The following CIT variants were observed in gnomAD, a reference collection of about 807,000 sequenced individuals.
The protein encoded by CIT is citron Rho-interacting kinase.
CIT carries 79 observed loss-of-function variants against 272.7 expected under a neutral mutation model. The ratio of observed to expected loss-of-function variants is 0.29; its 90% CI spans 0.24 to 0.35. CIT has a LOEUF of 0.35. CIT is among the 10% of genes least tolerant of loss of function. The pLI, the probability that CIT is intolerant of heterozygous loss-of-function variation, is 1.00. For missense variants in CIT, 1,909 were observed against 2,618.3 expected (o/e 0.73, Z 5.91); for synonymous variants, 948 against 995.6 (o/e 0.95, Z 0.90).
intron 9 of CIT, among the ~76,000 whole-genome samples, chr12:119,818,269 C>A (rs920161824): frequency 6.6e-6 from 1 of 151,998 alleles, no homozygotes; most frequent in Non-Finnish European, 1.5e-5. Context: ...AGAATAGGTA[C>A]TCCCTAAACA....
intron 10 of CIT, among the ~76,000 whole-genome samples, chr12:119,796,146 G>A (rs867533096): frequency 4.1e-4 from 63 of 152,328 alleles, no homozygotes; most frequent in African/African-American, 1.4e-3. Flanking sequence ...TGGGGTCTTG[G>A]CATACCAAGA....
chr12:119,720,453 CCACTTTTCAAA>C lies in CIT; in HGVS notation c.3840+14_3840+24del, dbSNP rs1957766718. The C allele has an allele frequency of 6.5e-7, 1 of 1,528,116 alleles. No individual in the cohort carries two copies. Among genetic ancestry groups the C allele is most frequent in the Admixed American group, 1.7e-5 (1 of 57,414 alleles). 94.7% of individuals were successfully genotyped at this position (1,528,116 alleles called of 1,614,324 possible). ...GAATGATGAGTGAAACTGACAATTCCCACTTTTCAAACACTTTGACTCACCTTTTTCTTTTT... is the reference window on the plus strand; with the variant it reads ...GAATGATGAGTGAAACTGACAATTCCCACTTTGACTCACCTTTTTCTTTTT... On this transcript the variant is annotated intron_variant, in intron 30 of 47. Transcript: ENST00000392521.
At chr12:119,826,053 G>A (rs555298798) in intron 7 of CIT, among the ~76,000 whole-genome samples, 6 of 152,270 alleles carry the variant, frequency 3.9e-5, no homozygotes, top group South Asian at 2.1e-4. Context: ...GGGTGACAGC[G>A]AGACTGTAAG....
At chr12:119,834,434 A>G (rs1968858202) in intron 5 of CIT, among the ~76,000 whole-genome samples, 1 of 152,208 alleles carries the variant, frequency 6.6e-6, no homozygotes, top group Non-Finnish European at 1.5e-5. Context: ...CAATATAATG[A>G]AAGACTAGTC....
Position 119,697,911 on chromosome 12 carries a change from T to G in CIT, c.5702+65A>C. ...TTGCTAGGCAAGTTAGGAAGGAACA[T>G]GCGGCCGGCCCCAACACCTACCCCA... On this transcript the variant is annotated intron_variant, in intron 45 of 47. Coordinates refer to ENST00000392521, the MANE Select transcript of CIT (RefSeq NM_001206999.2). This position sits in a 1 kb window ranked among gnomAD's most constrained non-coding sequence, Gnocchi z 4.9. The G allele has an allele frequency of 6.2e-7, 1 of 1,613,108 alleles. No homozygotes were observed. The highest frequency in any genetic ancestry group is 8.5e-7 in the Non-Finnish European group (1 of 1,179,120).
At position 119,718,603 on chromosome 12, in the gene CIT, G is replaced by A. The variant is rs2285595; in HGVS notation, c.4003+96C>T. 0.55 allele frequency: 845,195 copies of A among 1,523,480 alleles called. 236,729 individuals are homozygous for A. Among genetic ancestry groups the A allele is most frequent in the African/African-American group, 0.68 (49,506 of 72,788 alleles). The allele number at this position is 1,523,480 out of a possible 1,614,324, so 94.4% of individuals were successfully genotyped here. On this transcript the variant is annotated intron_variant, in intron 31 of 47. Transcript: ENST00000392521. This position sits in a 1 kb window ranked among gnomAD's most constrained non-coding sequence, Gnocchi z 4.8. The stretch of plus-strand genomic sequence containing the variant: ...GTCTGAAAGCGTATGGGCCATAAAC[G>A]AAGACACTGAGCTAGTTAGTCTTGG...
At position 119,686,764 on chromosome 12, in the gene CIT, G is replaced by A. The variant is rs1285864513; in HGVS notation, c.*1468C>T. ...AGCTTGCCAACTGCAAAGCCTCTAG[G>A]TTGGTTCTGTACCAGTTGCCAGGAA... On this transcript the variant is annotated 3_prime_UTR_variant, in exon 48 of 48. Transcript: ENST00000392521. The A allele has an allele frequency of 6.6e-6, 1 of 152,600 alleles. No individual in the cohort carries two copies. Among genetic ancestry groups the A allele is most frequent in the Non-Finnish European group, 1.5e-5 (1 of 68,082 alleles). The allele number at this position is 152,600 out of a possible 1,614,324, so 9.5% of individuals were successfully genotyped here.
intron 5 of CIT, among the ~76,000 whole-genome samples, chr12:119,848,451 A>C (rs1453603677): frequency 6.6e-6 from 1 of 152,212 alleles, no homozygotes; most frequent in Non-Finnish European, 1.5e-5. Context: ...TGAATCAGGA[A>C]CAAAAATTGT....
Position 119,795,363 on chromosome 12 carries a change from G to A in CIT, c.1295+7843C>T, listed in dbSNP as rs138448587. Among the ~76,000 whole-genome samples the A allele has an allele frequency of 1.4e-4, 22 of 152,168 alleles. 1 individual carries two copies. The highest frequency in any genetic ancestry group is 5.3e-4 in the African/African-American group (22 of 41,514). ...GATTGTGTCACCGTACTCCAGCGTG[G>A]GCAACAGAATGAGACTCTGTCTCAA... On this transcript the variant is annotated intron_variant, in intron 10 of 47. Transcript: ENST00000392521.
In CIT at chr12:119,718,260, AC is replaced by A; in HGVS notation, c.4152del (p.Glu1384AspfsTer26). 1 of 1,613,050 alleles carries A rather than the reference AC, an allele frequency of 6.2e-7. No individual in the cohort carries two copies. Among genetic ancestry groups the A allele is most frequent in the Non-Finnish European group, 8.5e-7 (1 of 1,179,318 alleles). ...LLAPPSSRRK[E>X]SSTPEEFSRR... is the part of the protein sequence containing the mutation. ...TCCAACGTACCCTCTGGAGTTGAAG[AC>A]TCCTTTCTGCGGCTGGATGGCGGGG... is the stretch of plus-strand genomic sequence containing the variant. On this transcript the variant is annotated frameshift_variant, in exon 32 of 48. Transcript: ENST00000392521. LOFTEE classifies it high-confidence loss of function. This position sits in a 1 kb window ranked among gnomAD's most constrained non-coding sequence, Gnocchi z 4.8.
intron 5 of CIT, among the ~76,000 whole-genome samples, chr12:119,845,686 T>G (rs1361513217): frequency 7.7e-6 from 1 of 130,422 alleles, no homozygotes; most frequent in African/African-American, 2.9e-5. Flanking sequence ...GCGTGGTGGC[T>G]CACACCTGCA....
chr12:119,752,379 T>A, intron 22 of CIT, 132 bp from the exon 23 acceptor site: 2 of 775,946 alleles, frequency 2.6e-6, no homozygotes, highest in East Asian at 2.8e-5. Flanking sequence ...CGGCACTCGA[T>A]AGAGGAGAGG....
chr12:119,829,004 AGG>A (rs1350012134), intron 7 of CIT, among the ~76,000 whole-genome samples: 6 of 151,984 alleles, frequency 3.9e-5, no homozygotes, highest in Admixed American at 1.3e-4. Context: ...GAAGGAAGGA[AGG>A]AAAGGGGGGA....
At chr12:119,740,741 A>C (rs1245006043) in intron 24 of CIT, among the ~76,000 whole-genome samples, 1 of 152,218 alleles carries the variant, frequency 6.6e-6, no homozygotes. Flanking sequence ...ATGTAATATA[A>C]GCAAATAATT....
At chr12:119,812,953 C>T (rs770113820) in intron 9 of CIT, among the ~76,000 whole-genome samples, 1 of 152,270 alleles carries the variant, frequency 6.6e-6, no homozygotes, top group Non-Finnish European at 1.5e-5. Flanking sequence ...TAAAACTTCC[C>T]CTTTTACTGC....
At position 119,833,035 on chromosome 12, in the gene CIT, G is replaced by A. The variant is rs769006702; in HGVS notation, c.660-171C>T. Among the ~76,000 whole-genome samples the A allele has an allele frequency of 8.6e-5, 13 of 151,922 alleles. No homozygotes were observed. Among genetic ancestry groups the A allele is most frequent in the Non-Finnish European group, 4.4e-5 (3 of 67,990 alleles). ...TACATTTTGCAAAATGAATTTAACCGAAAGGAAGGAAGGAAGGAGAGAGAG... is the reference window on the plus strand; with the variant it reads ...TACATTTTGCAAAATGAATTTAACCAAAAGGAAGGAAGGAAGGAGAGAGAG... On this transcript the variant is annotated intron_variant, in intron 6 of 47. Transcript: ENST00000392521.
chr12:119,864,795 A>G (rs1950469441), intron 3 of CIT, among the ~76,000 whole-genome samples: 2 of 152,218 alleles, frequency 1.3e-5, no homozygotes, highest in Admixed American at 1.3e-4. Flanking sequence ...GGCACTGGGG[A>G]TGTAAGAGTA....
In CIT at chr12:119,721,366, C is replaced by A; in HGVS notation, c.3675G>T (p.Arg1225=). Residue 1225 remains arginine, a synonymous_variant, in exon 29 of 48, where the codon CGG becomes CGT. Transcript: ENST00000392521. ...LTQGLQEALD[R]ADLLKTERSD... is the part of the protein sequence containing the mutation. The stretch of plus-strand genomic sequence containing the variant: ...TTCTTTCTGTCTTCAGTAGATCAGC[C>A]CGATCTAGAGCTTCTTGCAGTCCTT... The A allele has an allele frequency of 6.2e-7, 1 of 1,611,806 alleles. No individual in the cohort carries two copies. Among genetic ancestry groups the A allele is most frequent in the Non-Finnish European group, 8.5e-7 (1 of 1,178,054 alleles).
chr12:119,803,069 C>G, intron 10 of CIT, 137 bp downstream of exon 10: 1 of 622,218 alleles, frequency 1.6e-6, no homozygotes, highest in South Asian at 2.6e-5. Context: ...AGGTAGACTG[C>G]TTTCCCAATG....
Sources: allele counts gnomAD v4.1 joint callset (sites outside exome capture counted in the v4.1 genomes callset), GRCh38; gene constraint gnomAD v4.1.1; non-coding constraint Gnocchi (gnomAD v3.1); transcripts MANE v1.5; gene names NCBI Gene and HGNC (gene_info 2026-07-23, HGNC 2026-07-21).